Variants in EPB41L2 observed in about 807,000 individuals in gnomAD.
EPB41L2 encodes band 4.1-like protein 2.
In EPB41L2, 43 loss-of-function variants were observed where a neutral mutation model predicts 113.0. That is an observed-to-expected ratio of 0.38 (90% CI 0.30 to 0.49). EPB41L2 has a LOEUF of 0.49. Among genes scored for constraint, EPB41L2 ranks in the 20% least tolerant of loss-of-function variants. The probability of loss-of-function intolerance (pLI) is 0.95; values close to 1 mark genes in which losing one functional copy is unlikely to be tolerated. For missense variants in EPB41L2, 1,147 were observed against 1,223.4 expected (o/e 0.94, Z 0.93); for synonymous variants, 442 against 436.7 (o/e 1.01, Z -0.15).
intron 3 of EPB41L2, among the ~76,000 whole-genome samples, chr6:130,944,581 C>T (rs987779593): frequency 9.2e-5 from 14 of 152,038 alleles, no homozygotes; most frequent in Non-Finnish European, 1.0e-4. Flanking sequence ...AAACAAGTTC[C>T]AAGGAAGAAA....
chr6:131,008,606 C>T (rs927813075), intron 1 of EPB41L2, among the ~76,000 whole-genome samples: 2 of 152,228 alleles, frequency 1.3e-5, no homozygotes, highest in African/African-American at 2.4e-5. Context: ...CCTGGAAAAG[C>T]CACAGACACT....
chr6:130,937,502 A>G (rs1467421638), intron 3 of EPB41L2, among the ~76,000 whole-genome samples: 1 of 152,062 alleles, frequency 6.6e-6, no homozygotes, highest in Non-Finnish European at 1.5e-5. Flanking sequence ...TCAAATGCTC[A>G]ATTATTCACT....
chr6:130,886,279 T>C (rs185074644), intron 11 of EPB41L2, among the ~76,000 whole-genome samples: 20 of 152,286 alleles, frequency 1.3e-4, no homozygotes, highest in African/African-American at 4.8e-4. Flanking sequence ...TATCCCAAGC[T>C]ACCTCTCAAT....
At chr6:130,983,413 G>T (rs188757376) in intron 1 of EPB41L2, among the ~76,000 whole-genome samples, 107 of 152,078 alleles carry the variant, frequency 7.0e-4, no homozygotes, top group African/African-American at 2.5e-3. Context: ...TACTTACAAC[G>T]TACATGGTAT....
At chr6:130,843,879 G>A (rs1198225703) in intron 19 of EPB41L2, among the ~76,000 whole-genome samples, 1 of 152,190 alleles carries the variant, frequency 6.6e-6, no homozygotes, top group Non-Finnish European at 1.5e-5. Context: ...AGAGGGATCA[G>A]AGAGTTATTT....
intron 14 of EPB41L2, among the ~76,000 whole-genome samples, chr6:130,873,610 C>T (rs574557211): frequency 7.2e-5 from 11 of 152,148 alleles, no homozygotes; most frequent in Admixed American, 1.3e-4. Flanking sequence ...GGATTATAGG[C>T]GTGCAGCACC....
At chr6:130,901,705 A>T (rs1796353059) in intron 6 of EPB41L2, among the ~76,000 whole-genome samples, 2 of 152,326 alleles carry the variant, frequency 1.3e-5, no homozygotes, top group South Asian at 4.1e-4. Context: ...TAGCTAGCTC[A>T]GTTTAGCAGA....
At chr6:130,909,923 GAATCAATATCGTGAA>G (rs1452448344) in intron 4 of EPB41L2, among the ~76,000 whole-genome samples, 3 of 152,178 alleles carry the variant, frequency 2.0e-5, no homozygotes, top group African/African-American at 7.2e-5. Context: ...TGGATAGGAA[GAATCAATATCGTGAA>G]AATGATCATA....
At chr6:130,886,940 GT>G in intron 11 of EPB41L2, among the ~76,000 whole-genome samples, 1 of 151,994 alleles carries the variant, frequency 6.6e-6, no homozygotes, top group Non-Finnish European at 1.5e-5. Flanking sequence ...GCCTCCAGCA[GT>G]TTTTTTTAAT....
chr6:131,050,134 T>A (rs1796240900), intron 1 of EPB41L2, among the ~76,000 whole-genome samples: 1 of 151,964 alleles, frequency 6.6e-6, no homozygotes. Context: ...AGGTCAGGAG[T>A]TTGAGACCAG....
chr6:131,025,017 T>C (rs1193503786), intron 1 of EPB41L2, among the ~76,000 whole-genome samples: 4 of 152,162 alleles, frequency 2.6e-5, no homozygotes, highest in African/African-American at 7.2e-5. Context: ...CATCTTCTCA[T>C]TGGAGGCCTC....
rs545886666 is a variant in EPB41L2, at chr6:130,920,575, T to C, written c.810+6030A>G. ...CAGTGGTGCAATCACAGCTCATTGCTGCCTTGACCTACTGGGCTCAAGTGA... is the reference window on the plus strand; with the variant it reads ...CAGTGGTGCAATCACAGCTCATTGCCGCCTTGACCTACTGGGCTCAAGTGA... On this transcript the variant is annotated intron_variant, in intron 4 of 19. Transcript: ENST00000337057. 3.9e-5 allele frequency among the ~76,000 whole-genome samples: 6 copies of C among 152,234 alleles called. No individual in the cohort carries two copies. In the South Asian group the frequency reaches 1.0e-3, roughly 26 times the overall value.
chr6:130,997,671 A>G (rs1162000450), intron 1 of EPB41L2, among the ~76,000 whole-genome samples: 1 of 152,180 alleles, frequency 6.6e-6, no homozygotes, highest in Non-Finnish European at 1.5e-5. Flanking sequence ...AGAATGTCTC[A>G]AAGGAGTGAC....
At chr6:130,939,883 G>C (rs1429609257) in intron 3 of EPB41L2, among the ~76,000 whole-genome samples, 1 of 152,164 alleles carries the variant, frequency 6.6e-6, no homozygotes. Flanking sequence ...CTTTTATTAA[G>C]TAGAAAATAG....
At chr6:130,890,547 T>C (rs1360902102) in intron 10 of EPB41L2, 81 bp from the exon 11 acceptor site, 3 of 1,448,026 alleles carry the variant, frequency 2.1e-6, no homozygotes, top group South Asian at 1.4e-5. Context: ...AAAAAAACTT[T>C]AAAGCTATGT....
chr6:131,019,984 G>A (rs1015701246), intron 1 of EPB41L2, among the ~76,000 whole-genome samples: 1 of 152,006 alleles, frequency 6.6e-6, no homozygotes, highest in African/African-American at 2.4e-5. Context: ...CTATTTTTTA[G>A]TCTAATAACC....
At chr6:130,930,116 A>G (rs531117508) in intron 3 of EPB41L2, among the ~76,000 whole-genome samples, 1 of 152,162 alleles carries the variant, frequency 6.6e-6, no homozygotes, top group South Asian at 2.1e-4. Context: ...GAGCACCAAA[A>G]CACCTATTTG....
chr6:130,955,721 T>TA (rs1007172903), intron 2 of EPB41L2, among the ~76,000 whole-genome samples: 23 of 152,316 alleles, frequency 1.5e-4, no homozygotes, highest in African/African-American at 5.5e-4. Flanking sequence ...GCATTCTGTT[T>TA]AAAAAAGAGA....
intron 14 of EPB41L2, among the ~76,000 whole-genome samples, chr6:130,875,602 G>A (rs1787274450): frequency 6.6e-6 from 1 of 152,104 alleles, no homozygotes. Context: ...TGACCACAAT[G>A]ACAAAACGGT....
Sources: allele counts gnomAD v4.1 joint callset (sites outside exome capture counted in the v4.1 genomes callset), GRCh38; gene constraint gnomAD v4.1.1; transcripts MANE v1.5; gene names NCBI Gene and HGNC (gene_info 2026-07-23, HGNC 2026-07-21).